The following FLI1 variants were observed in gnomAD, a reference collection of about 807,000 sequenced individuals.
FLI1 encodes Fli-1 proto-oncogene, ETS transcription factor, also known as Friend leukemia integration 1 transcription factor.
Under a neutral mutation model 53.1 loss-of-function variants are expected in FLI1, and 13 were observed. The ratio of observed to expected loss-of-function variants is 0.24; its 90% confidence interval spans 0.16 to 0.39. The LOEUF is 0.39. Among genes scored for constraint, FLI1 ranks in the 10% least tolerant of loss-of-function variants. FLI1 has a pLI of 1.00. For missense variants in FLI1, 424 were observed against 600.5 expected, an observed-to-expected ratio of 0.71 and a Z score of 3.07; for synonymous variants, 244 against 236.7, an observed-to-expected ratio of 1.03 and a Z score of -0.28.
chr11:128,772,468 A>G (rs1249818411), intron 3 of FLI1, among the ~76,000 whole-genome samples: 1 of 152,140 alleles, frequency 6.6e-6, no homozygotes, highest in Non-Finnish European at 1.5e-5. Context: ...GGGTCTGTGA[A>G]ATTGTGTTTA....
intron 1 of FLI1, among the ~76,000 whole-genome samples, chr11:128,731,521 CAAA>C (rs1394611222): frequency 3.4e-5 from 5 of 148,244 alleles, no homozygotes; most frequent in Admixed American, 3.3e-4. Flanking sequence ...AAAAAACAAA[CAAA>C]AAACAAAAAC....
chr11:128,721,148 C>G (rs991463701), intron 1 of FLI1, among the ~76,000 whole-genome samples: 5 of 152,218 alleles, frequency 3.3e-5, no homozygotes, highest in African/African-American at 1.2e-4. Context: ...AGACTAGTAA[C>G]TATGTGGAGC....
intron 5 of FLI1, among the ~76,000 whole-genome samples, chr11:128,794,695 C>T (rs2268600): frequency 0.1 from 15,374 of 152,180 alleles, 934 homozygotes; most frequent in East Asian, 0.27. Context: ...AAAGAAAGTC[C>T]TTGAGGAGGA....
At chr11:128,799,478 T>A (rs902885988) in intron 5 of FLI1, among the ~76,000 whole-genome samples, 1 of 152,222 alleles carries the variant, frequency 6.6e-6, no homozygotes, top group African/African-American at 2.4e-5. Flanking sequence ...CTGTTATTAA[T>A]GCTTTTCAGA....
At chr11:128,727,585 G>A (rs1445415775) in intron 1 of FLI1, among the ~76,000 whole-genome samples, 2 of 152,242 alleles carry the variant, frequency 1.3e-5, no homozygotes, top group Non-Finnish European at 2.9e-5. Context: ...ACTTGCTGCA[G>A]CCCAAGACCT....
intron 1 of FLI1, among the ~76,000 whole-genome samples, chr11:128,703,841 T>TAA (rs1938438682): frequency 1.0e-4 from 2 of 19,194 alleles, no homozygotes; most frequent in African/African-American, 2.6e-4. Context: ...AGACTCCGTC[T>TAA]CAAAAAAAAA....
intron 1 of FLI1, among the ~76,000 whole-genome samples, chr11:128,710,143 G>C (rs1401447279): frequency 1.3e-5 from 2 of 152,134 alleles, no homozygotes; most frequent in Non-Finnish European, 1.5e-5. Flanking sequence ...TCATATTGCT[G>C]TCTTTCACGG....
chr11:128,736,980 G>A (rs575534031), intron 1 of FLI1, among the ~76,000 whole-genome samples: 1 of 152,198 alleles, frequency 6.6e-6, no homozygotes, highest in South Asian at 2.1e-4. Flanking sequence ...AAACAACCAT[G>A]CCAAGCCTCC....
intron 5 of FLI1, among the ~76,000 whole-genome samples, chr11:128,798,824 A>G (rs548875472): frequency 6.6e-6 from 1 of 152,188 alleles, no homozygotes; most frequent in Admixed American, 6.5e-5. Context: ...CTGAGCTTCA[A>G]GGCCAGGTGG....
At chr11:128,783,804 G>A (rs775815561) in intron 5 of FLI1, among the ~76,000 whole-genome samples, 1 of 152,154 alleles carries the variant, frequency 6.6e-6, no homozygotes, top group African/African-American at 2.4e-5. Context: ...CTCACATTGC[G>A]AGGGCTCAAG....
chr11:128,731,618 C>T (rs1271672525), intron 1 of FLI1, among the ~76,000 whole-genome samples: 1 of 152,040 alleles, frequency 6.6e-6, no homozygotes, highest in Non-Finnish European at 1.5e-5. Flanking sequence ...TTGGCAAAAC[C>T]CAAAGTTCAT....
intron 6 of FLI1, chr11:128,805,903 C>T (rs1398173428): frequency 6.6e-6 from 1 of 152,494 alleles, no homozygotes; most frequent in Non-Finnish European, 1.5e-5. Flanking sequence ...ATCTCCTCAA[C>T]AGGTTATCTT....
At position 128,798,740 on chromosome 11, in the gene FLI1, T is replaced by C. The variant is rs117092927; in HGVS notation, c.656-6626T>C. 4.3e-3 allele frequency among the ~76,000 whole-genome samples: 658 copies of C among 152,306 alleles called. 1 individual carries two copies. The highest frequency in any genetic ancestry group is 6.8e-3 in the Non-Finnish European group (465 of 68,020). On this transcript the variant is annotated intron_variant, in intron 5 of 8. Coordinates refer to ENST00000527786, the MANE Select transcript of FLI1 (RefSeq NM_002017.5). ...GATGCCAAGCTCCTCTGTTGCTCTTTGGGATGTAAGACGCCGCTGAAGTGA... is the reference window on the plus strand; with the variant it reads ...GATGCCAAGCTCCTCTGTTGCTCTTCGGGATGTAAGACGCCGCTGAAGTGA...
chr11:128,781,354 C>T (rs1281256503), intron 4 of FLI1, among the ~76,000 whole-genome samples: 2 of 152,232 alleles, frequency 1.3e-5, no homozygotes, highest in African/African-American at 4.8e-5. Context: ...GTGATACTGG[C>T]TTCTCCTCCA....
chr11:128,793,192 A>C (rs2135889957), intron 5 of FLI1, among the ~76,000 whole-genome samples: 1 of 152,062 alleles, frequency 6.6e-6, no homozygotes, highest in South Asian at 2.1e-4. Context: ...GAGGGAAATA[A>C]AGTTTCCCTC....
Position 128,810,773 on chromosome 11 carries a change from C to A in FLI1, c.1144C>A (p.Pro382Thr). 1 of 1,614,048 alleles carries A rather than the reference C, an allele frequency of 6.2e-7. No individual in the cohort carries two copies. Among genetic ancestry groups the A allele is most frequent in the South Asian group, 1.1e-5 (1 of 91,082 alleles). The change falls in exon 9 of 9, where the codon CCT becomes ACT. Residue 382 changes from proline to threonine, a missense_variant. Around this residue, in one of 5 missense-constraint regions of FLI1, gnomAD observed 87 missense variants for 100.0 expected, o/e 0.87. Transcript: ENST00000527786. The surrounding 1 kb of genome is among the most constrained non-coding windows in gnomAD (Gnocchi z 6.6). ...GACCGAGTCGTCCATGTACAAGTAC[C>A]CTTCTGACATCTCCTACATGCCTTC... Reference protein sequence around the residue: ...HPTESSMYKYPSDISYMPSYH... With the variant: ...HPTESSMYKYTSDISYMPSYH...
chr11:128,694,161 G>T lies in FLI1; in HGVS notation c.-98G>T. ...CACGCAGGGAGGGCCCAGGGCGCCA[G>T]GGAGGCCGCGCCGGGCTAATCCGAA... On this transcript the variant is annotated 5_prime_UTR_variant, in exon 1 of 9. In the 5' UTR this introduces an upstream ATG that the reference lacks. Transcript: ENST00000527786. The T allele has an allele frequency of 7.3e-7, 1 of 1,378,108 alleles. No individual in the cohort carries two copies. Among genetic ancestry groups the T allele is most frequent in the Middle Eastern group, 1.9e-4 (1 of 5,298 alleles). 85.4% of individuals were successfully genotyped at this position (1,378,108 alleles called of 1,614,324 possible). A position where few individuals can be genotyped will look rare whatever the true frequency, so the allele number is the denominator to read the frequency against.
intron 1 of FLI1, among the ~76,000 whole-genome samples, chr11:128,714,783 A>C (rs1938935168): frequency 7.1e-6 from 1 of 141,168 alleles, no homozygotes; most frequent in Non-Finnish European, 1.5e-5. Context: ...ATCTCAGCTC[A>C]CAGCAACCTC....
intron 1 of FLI1, among the ~76,000 whole-genome samples, chr11:128,711,400 T>C (rs1938778592): frequency 6.6e-6 from 1 of 152,240 alleles, no homozygotes; most frequent in Admixed American, 6.5e-5. Flanking sequence ...GAAAAGTGAA[T>C]GTTCAGCATT....
Sources: gnomAD v4.1 joint callset for allele counts (sites outside exome capture counted in the v4.1 genomes callset) on GRCh38, gnomAD v4.1.1 for gene constraint, gnomAD v4.1.1 regional missense constraint, Gnocchi (gnomAD v3.1) non-coding constraint, MANE v1.5 for transcripts, NCBI Gene and HGNC (gene_info 2026-07-23, HGNC 2026-07-21) for gene names.